The following SI variants were observed in gnomAD, a reference collection of about 807,000 sequenced individuals.
SI encodes sucrase-isomaltase, intestinal.
A neutral mutation model predicts 253.3 loss-of-function variants in SI; 235 were observed. The observed-to-expected ratio is 0.93, with a 90% confidence interval of 0.83 to 1.03. SI has a LOEUF of 1.03. Among genes scored for constraint, SI ranks in the 50% least tolerant of loss-of-function variants. The pLI is 0.00. For missense variants in SI, 2,442 were observed against 2,211.1 expected (o/e 1.10, Z -2.09); for synonymous variants, 819 against 712.0 (o/e 1.15, Z -2.39).
rs139876383 is a variant in SI at position 164,992,209 on chromosome 3, C to T, written c.4951G>A (p.Val1651Ile). The change falls in exon 43 of 48, where the codon GTC (valine) becomes ATC (isoleucine). Residue 1651 changes from valine (V) to isoleucine (I), a missense_variant. Coordinates refer to ENST00000264382, the MANE Select transcript of SI (RefSeq NM_001041.4). ...TAGTCAAACCACCGAGCATTGGGGA[C>T]GTAGGCATTTACAGTTTGAACATAC... ...EPYVQTVNAY[V>I]PNARWFDYHT... 8.1e-4 allele frequency: 1,308 copies of T among 1,611,822 alleles called. 8 individuals are homozygous for T. In the Middle Eastern group the frequency reaches 8.8e-3, roughly 11 times the overall value.
intron 17 of SI, among the ~76,000 whole-genome samples, chr3:165,042,521 C>A (rs369828667): frequency 1.8e-4 from 27 of 152,224 alleles, no homozygotes; most frequent in African/African-American, 6.5e-4. Context: ...TCTGGCACTT[C>A]TGCTCCTACC....
chr3:165,020,422 A>G (rs2108181405), intron 27 of SI, among the ~76,000 whole-genome samples: 1 of 151,766 alleles, frequency 6.6e-6, no homozygotes, highest in East Asian at 1.9e-4. Flanking sequence ...GCATATTTTA[A>G]CTTTTTATAT....
intron 31 of SI, 30 bp downstream of exon 31, chr3:165,017,518 T>G: frequency 6.3e-7 from 1 of 1,598,512 alleles, no homozygotes; most frequent in East Asian, 2.2e-5. Context: ...TATTCCATAT[T>G]TAACATTGTT....
At chr3:165,086,795 A>G in the SI span, among the ~76,000 whole-genome samples, 2 of 152,166 alleles carry the variant, frequency 1.3e-5, no homozygotes, top group South Asian at 2.1e-4. Flanking sequence ...GTGAGTAAGG[A>G]GTATGCCACT....
At chr3:165,006,650 G>A (rs889436970) in intron 37 of SI, among the ~76,000 whole-genome samples, 166 bp downstream of exon 37, 6 of 152,066 alleles carry the variant, frequency 3.9e-5, no homozygotes, top group African/African-American at 1.4e-4. Flanking sequence ...AAATTAGATA[G>A]AAAGAAACAC....
intron 10 of SI, 94 bp from the exon 11 acceptor site, chr3:165,059,393 T>C: frequency 1.6e-6 from 2 of 1,220,150 alleles, no homozygotes; most frequent in African/African-American, 3.0e-5. Context: ...ATTATAAACA[T>C]AACCCTTAAA....
At chr3:164,995,684 T>G (rs1464985401) in intron 40 of SI, among the ~76,000 whole-genome samples, 1 of 151,758 alleles carries the variant, frequency 6.6e-6, no homozygotes, top group Admixed American at 6.6e-5. Flanking sequence ...CCCACACCCA[T>G]CTCAGCTCTA....
At chr3:164,987,083 G>A (rs942593703) in intron 45 of SI, 55 bp downstream of exon 45, 1 of 1,284,354 alleles carries the variant, frequency 7.8e-7, no homozygotes, top group Non-Finnish European at 1.1e-6. Flanking sequence ...TAACGTAAAA[G>A]TAATGTGATA....
chr3:165,060,537 C>T (rs1232683568), intron 9 of SI, among the ~76,000 whole-genome samples: 2 of 151,800 alleles, frequency 1.3e-5, no homozygotes, highest in Non-Finnish European at 2.9e-5. Context: ...AATGCTCCCA[C>T]CCAGTTATTG....
At chr3:165,008,650 A>G (rs879871060) in intron 35 of SI, among the ~76,000 whole-genome samples, 4 of 152,070 alleles carry the variant, frequency 2.6e-5, no homozygotes, top group Admixed American at 1.3e-4. Flanking sequence ...ATACAATCTT[A>G]TATCTACAAA....
At chr3:164,994,499 T>A in intron 40 of SI, 94 bp from the exon 41 acceptor site, 1 of 1,262,690 alleles carries the variant, frequency 7.9e-7, no homozygotes, top group African/African-American at 1.5e-5. Context: ...AAGTAAGACA[T>A]GATATTAATT....
At chr3:165,086,482 A>G in the SI span, among the ~76,000 whole-genome samples, 1 of 152,142 alleles carries the variant, frequency 6.6e-6, no homozygotes, top group South Asian at 2.1e-4. Context: ...AATTGTTAGG[A>G]CTTTCTACTT....
intron 37 of SI, among the ~76,000 whole-genome samples, chr3:165,000,273 TTTAAA>T: frequency 6.6e-6 from 1 of 151,456 alleles, no homozygotes; most frequent in Non-Finnish European, 1.5e-5. Flanking sequence ...TTACTGATAC[TTTAAA>T]TTAATAGCTG....
chr3:164,996,753 C>G lies in SI; in HGVS notation c.4560G>C (p.Leu1520=), dbSNP rs755731709. Residue 1520 remains leucine (L), a synonymous_variant, in exon 39 of 48, where the codon CTG becomes CTC. Transcript: ENST00000264382. The part of the protein sequence containing the change: ...KSIIGMMEFS[L]FGMSYTGADI... ...AACTACTTACATATGACATTCCAAACAGACTAAATTCCATCATACCTGAAA... is the reference window on the plus strand; with the variant it reads ...AACTACTTACATATGACATTCCAAAGAGACTAAATTCCATCATACCTGAAA... 1 of 1,075,182 alleles carries G rather than the reference C, an allele frequency of 9.3e-7. No homozygotes were observed. Among genetic ancestry groups the G allele is most frequent in the South Asian group, 1.4e-5 (1 of 73,224 alleles). 66.6% of individuals were successfully genotyped at this position (1,075,182 alleles called of 1,614,324 possible). A position where few individuals can be genotyped will look rare whatever the true frequency, so the allele number is the denominator to read the frequency against.
intron 2 of SI, among the ~76,000 whole-genome samples, chr3:165,075,218 C>G (rs1258589304): frequency 1.3e-5 from 2 of 151,858 alleles, no homozygotes; most frequent in Non-Finnish European, 2.9e-5. Context: ...CTTCATAATA[C>G]AGTAAGCTCT....
intron 30 of SI, 22 bp downstream of exon 30, chr3:165,017,739 T>A (rs776019195): frequency 9.4e-6 from 15 of 1,599,308 alleles, no homozygotes; most frequent in Middle Eastern, 1.7e-4. Context: ...TTAATTTTTT[T>A]AAAAGAAATA....
At chr3:165,035,125 C>A (rs924236467) in intron 22 of SI, among the ~76,000 whole-genome samples, 1 of 151,838 alleles carries the variant, frequency 6.6e-6, no homozygotes, top group African/African-American at 2.4e-5. Flanking sequence ...GTGGTAAGAT[C>A]CAAGTTCTAT....
chr3:165,085,536 T>C, the SI span, among the ~76,000 whole-genome samples: 2 of 152,182 alleles, frequency 1.3e-5, no homozygotes, highest in Non-Finnish European at 2.9e-5. Flanking sequence ...AGAAACGCTG[T>C]CCAGCTCTAA....
rs1418353515 is a variant in SI at position 165,039,956 on chromosome 3, C to T, written c.2175G>A (p.Thr725=). The T allele has an allele frequency of 1.4e-5, 22 of 1,612,160 alleles. No individual in the cohort carries two copies. Among genetic ancestry groups the T allele is most frequent in the Admixed American group, 3.3e-5 (2 of 59,882 alleles). The stretch of plus-strand genomic sequence containing the variant: ...ACTCAGTGTCCTCAATCCAGCTGTT[C>T]GTATCCTCATAAAACCTAAGAACAA... The part of the protein sequence containing the change: ...RPVLHEFYED[T]NSWIEDTEFL... The change falls in exon 19 of 48, where the codon ACG becomes ACA. Residue 725 remains threonine, a synonymous_variant. Transcript: ENST00000264382.
Sources: allele counts gnomAD v4.1 joint callset (sites outside exome capture counted in the v4.1 genomes callset), GRCh38; gene constraint gnomAD v4.1.1; transcripts MANE v1.5; gene names NCBI Gene and HGNC (gene_info 2026-07-23, HGNC 2026-07-21).